The following ROBO2 variants were observed in gnomAD, a reference collection of about 807,000 sequenced individuals.
ROBO2 encodes roundabout guidance receptor 2, also known as roundabout homolog 2.
A neutral mutation model predicts 160.8 loss-of-function variants in ROBO2; 53 were observed. The ratio of observed to expected loss-of-function variants is 0.33; its 90% CI spans 0.26 to 0.41. The LOEUF (loss-of-function observed/expected upper bound fraction) is 0.41. Ranked by LOEUF, ROBO2 falls within the 10% of genes least tolerant of loss-of-function variation. The probability of loss-of-function intolerance (pLI) is 1.00; values close to 1 mark genes in which losing one functional copy is unlikely to be tolerated. For synonymous variants in ROBO2, 664 were observed against 611.7 expected, an observed-to-expected ratio of 1.09 and a Z score of -1.26; for missense variants, 1,577 against 1,722.4, an observed-to-expected ratio of 0.92 and a Z score of 1.49.
chr3:76,785,339 A>C (rs2062904485), intron 2 of ROBO2, among the ~76,000 whole-genome samples: 1 of 151,196 alleles, frequency 6.6e-6, no homozygotes, highest in African/African-American at 2.4e-5. Context: ...AAAATCAATC[A>C]GCTGGAGCAT....
Position 76,669,752 on chromosome 3 carries a change from A to G in ROBO2, c.110-428262A>G, listed in dbSNP as rs552749653. Among the ~76,000 whole-genome samples the G allele has an allele frequency of 5.9e-5, 9 of 152,328 alleles. No homozygotes were observed. In the East Asian group the frequency reaches 1.7e-3, roughly 29 times the overall value. On this transcript the variant is annotated intron_variant, in intron 2 of 26. Coordinates refer to the ROBO2 transcript ENST00000487694. ...GCTGTTACATCTTTAACTACTCTTA[A>G]GAGCAGAATTAACCATTACTATTGC... is the stretch of plus-strand genomic sequence containing the variant.
intron 2 of ROBO2, among the ~76,000 whole-genome samples, chr3:75,959,554 CCA>C (rs1305032075): frequency 2.6e-5 from 4 of 151,670 alleles, no homozygotes; most frequent in Non-Finnish European, 5.9e-5. Context: ...TGTTTGTAGA[CCA>C]CAGTTTCTTT....
chr3:76,182,851 T>C (rs143651820), intron 2 of ROBO2, among the ~76,000 whole-genome samples: 3 of 152,290 alleles, frequency 2.0e-5, no homozygotes, highest in East Asian at 1.9e-4. Context: ...TCAATTACGA[T>C]ATAATATTTG....
intron 20 of ROBO2, among the ~76,000 whole-genome samples, chr3:77,605,591 A>G (rs2094511662): frequency 6.6e-6 from 1 of 152,182 alleles, no homozygotes; most frequent in African/African-American, 2.4e-5. Flanking sequence ...AGATTTTTAA[A>G]TCTGTTTGGA....
intron 2 of ROBO2, among the ~76,000 whole-genome samples, chr3:76,237,916 A>G (rs1230570449): frequency 6.6e-6 from 1 of 152,100 alleles, no homozygotes; most frequent in African/African-American, 2.4e-5. Context: ...TTAAAGGCAT[A>G]CCGAAGAGAG....
chr3:76,356,062 A>G (rs2075143110), intron 2 of ROBO2, among the ~76,000 whole-genome samples: 1 of 151,678 alleles, frequency 6.6e-6, no homozygotes, highest in East Asian at 1.9e-4. Context: ...TATTGTTTAT[A>G]ATGTATAATA....
chr3:76,249,786 G>A (rs925455967), intron 2 of ROBO2, among the ~76,000 whole-genome samples: 2 of 152,094 alleles, frequency 1.3e-5, no homozygotes, highest in African/African-American at 4.8e-5. Flanking sequence ...TATTTGCAAA[G>A]ATGGACTTTC....
chr3:76,710,601 A>G (rs939017678), intron 2 of ROBO2, among the ~76,000 whole-genome samples: 6 of 152,206 alleles, frequency 3.9e-5, no homozygotes, highest in Non-Finnish European at 5.9e-5. Context: ...AAGTCAGAAT[A>G]CAGCAGGTTG....
chr3:76,006,191 T>C (rs1378217526), intron 2 of ROBO2, among the ~76,000 whole-genome samples: 1 of 152,158 alleles, frequency 6.6e-6, no homozygotes, highest in Admixed American at 6.5e-5. Flanking sequence ...TCTTGAATAT[T>C]ATACATTTCA....
At chr3:76,920,991 A>C (rs1031479843) in intron 2 of ROBO2, among the ~76,000 whole-genome samples, 3 of 152,226 alleles carry the variant, frequency 2.0e-5, no homozygotes, top group Non-Finnish European at 4.4e-5. Context: ...CTATATGTTC[A>C]GAGGGCGAAC....
At chr3:76,200,229 C>T (rs1702458687) in intron 2 of ROBO2, among the ~76,000 whole-genome samples, 1 of 151,996 alleles carries the variant, frequency 6.6e-6, no homozygotes, top group African/African-American at 2.4e-5. Flanking sequence ...GGAAAAGGGG[C>T]TTGGGTCTGG....
At chr3:76,333,574 A>C (rs751935395) in intron 2 of ROBO2, among the ~76,000 whole-genome samples, 2 of 152,204 alleles carry the variant, frequency 1.3e-5, no homozygotes, top group Non-Finnish European at 2.9e-5. Flanking sequence ...AATGATTGCT[A>C]TAAAGAGTTG....
At position 76,580,328 on chromosome 3, in the gene ROBO2, G is replaced by GGTT. The variant is rs2085587668; in HGVS notation, c.110-517686_110-517685insGTT. Among the ~76,000 whole-genome samples the GGTT allele has an allele frequency of 1.0e-4, 7 of 67,258 alleles. No individual in the cohort carries two copies. The South Asian group carries it at 1.5e-3, about 14-fold the overall frequency. 44.1% of individuals were successfully genotyped at this position (67,258 alleles called of 152,430 possible). A position where few individuals can be genotyped will look rare whatever the true frequency, so the allele number is the denominator to read the frequency against. On this transcript the variant is annotated intron_variant, in intron 2 of 26. Transcript: ENST00000487694. ...CTAACCCAACCCCTGTTTTTTTTTTGTTTTTTTTTTTGTGTTTTTTTTTTT... is the reference window on the plus strand; with the variant it reads ...CTAACCCAACCCCTGTTTTTTTTTTGGTTTTTTTTTTTTTGTGTTTTTTTTTTT...
chr3:76,326,840 A>G (rs1000889669), intron 2 of ROBO2, among the ~76,000 whole-genome samples: 12 of 138,956 alleles, frequency 8.6e-5, no homozygotes, highest in East Asian at 4.3e-4. Flanking sequence ...TCGTTGTTCA[A>G]TTCCCACCTA....
chr3:77,180,011 C>T (rs116591061), intron 2 of ROBO2, among the ~76,000 whole-genome samples: 1,990 of 151,944 alleles, frequency 0.013, 65 homozygotes, highest in African/African-American at 0.045. Context: ...GGGAGGGAGT[C>T]GATAAAAGCA....
rs560805325 is a variant in ROBO2, at chr3:77,595,000, C to T, written c.2684-142C>T. ...GGGCCAAACCACTGCTTGTTACTCT[C>T]TGTACAATGATGTTAATTATATTTT... On this transcript the variant is annotated intron_variant, in intron 17 of 25. Coordinates refer to ENST00000461745, the Ensembl canonical transcript of ROBO2. 4.6e-6 allele frequency: 3 copies of T among 653,926 alleles called. No individual in the cohort carries two copies. The South Asian group carries it at 5.9e-5, about 13-fold the overall frequency. The allele number at this position is 653,926 out of a possible 1,614,324, so 40.5% of individuals were successfully genotyped here.
intron 2 of ROBO2, among the ~76,000 whole-genome samples, chr3:76,317,120 G>T (rs2107835725): frequency 6.6e-6 from 1 of 152,270 alleles, no homozygotes; most frequent in East Asian, 1.9e-4. Context: ...TAACCACTTT[G>T]TAAGTAATTT....
intron 2 of ROBO2, among the ~76,000 whole-genome samples, chr3:76,866,884 C>T (rs931341926): frequency 1.9e-4 from 29 of 152,154 alleles, no homozygotes; most frequent in Admixed American, 1.9e-3. Context: ...CCTCCCAGTC[C>T]CCTGGGATTT....
chr3:75,991,828 G>A (rs1214944355), intron 2 of ROBO2, among the ~76,000 whole-genome samples: 4 of 152,118 alleles, frequency 2.6e-5, no homozygotes. Context: ...ATATCCAGGT[G>A]GGGGAGATCT....
Sources: allele counts gnomAD v4.1 joint callset (sites outside exome capture counted in the v4.1 genomes callset), GRCh38; gene constraint gnomAD v4.1.1; transcripts MANE v1.5; gene names NCBI Gene and HGNC (gene_info 2026-07-23, HGNC 2026-07-21).